Variants in RBM24 observed in about 807,000 individuals in gnomAD.
The protein encoded by RBM24 is RNA binding motif protein 24, also known as RNA-binding protein 24.
Under a neutral mutation model 23.6 loss-of-function variants are expected in RBM24, and 5 were observed. That is an observed-to-expected ratio of 0.21 (90% confidence interval 0.11 to 0.45). The LOEUF (loss-of-function observed/expected upper bound fraction) is 0.45, where lower values mean the gene tolerates loss of function less well. Ranked by LOEUF, RBM24 falls within the 20% of genes least tolerant of loss-of-function variation. The pLI, the probability that RBM24 is intolerant of heterozygous loss-of-function variation, is 0.99. For missense variants in RBM24, 252 were observed against 314.6 expected (o/e 0.80, Z 1.51); for synonymous variants, 151 against 129.5 (o/e 1.17, Z -1.13).
At chr6:17,282,082 T>C in intron 1 of RBM24, 3 of 1,238,944 alleles carry the variant, frequency 2.4e-6, no homozygotes, top group Non-Finnish European at 3.1e-6. Flanking sequence ...ATTCCCGGGC[T>C]GGATGCCGGT....
chr6:17,286,609 T>C (rs1760207013), intron 3 of RBM24, among the ~76,000 whole-genome samples: 1 of 152,308 alleles, frequency 6.6e-6, no homozygotes, highest in Middle Eastern at 3.4e-3. Context: ...TGGTATTGTT[T>C]CAAGTACAAA....
At position 17,292,442 on chromosome 6, in the gene RBM24, A is replaced by C; in HGVS notation, c.*323A>C. On this transcript the variant is annotated 3_prime_UTR_variant, in exon 4 of 4. Coordinates refer to ENST00000379052, the MANE Select transcript of RBM24 (RefSeq NM_001143942.2). Reference sequence around the variant, plus strand: ...TTTTTATTTTTGCTCTTTTTATAGTATCAGGGAAGCAAACTGCCTTTTACA... The same window carrying C: ...TTTTTATTTTTGCTCTTTTTATAGTCTCAGGGAAGCAAACTGCCTTTTACA... 1 of 178,422 alleles carries C rather than the reference A, an allele frequency of 5.6e-6. No homozygotes were observed. The highest frequency in any genetic ancestry group is 1.2e-5 in the Non-Finnish European group (1 of 85,536). The allele number at this position is 178,422 out of a possible 1,614,324, so 11.1% of individuals were successfully genotyped here.
At chr6:17,288,406 C>G (rs182197702) in intron 3 of RBM24, 4 of 985,142 alleles carry the variant, frequency 4.1e-6, no homozygotes, top group South Asian at 4.7e-5. Flanking sequence ...GGGTAGGGAA[C>G]TCTTTTATTG....
chr6:17,283,160 AAG>A, intron 2 of RBM24: 1 of 503,222 alleles, frequency 2.0e-6, no homozygotes, highest in South Asian at 2.7e-5. Flanking sequence ...GTGCAGGAAG[AAG>A]AGTTAGTCAT....
At chr6:17,282,110 C>G in intron 1 of RBM24, 1 of 1,219,744 alleles carries the variant, frequency 8.2e-7, no homozygotes, top group South Asian at 1.5e-5. Context: ...CGCGCTGTTG[C>G]TTTGTAAAAA....
At chr6:17,286,752 G>A (rs1311787406) in intron 3 of RBM24, among the ~76,000 whole-genome samples, 1 of 152,194 alleles carries the variant, frequency 6.6e-6, no homozygotes. Flanking sequence ...GACTGGATAT[G>A]TCTGGAGGGT....
intron 3 of RBM24, among the ~76,000 whole-genome samples, chr6:17,286,428 T>C (rs142896783): frequency 4.1e-4 from 62 of 152,284 alleles, no homozygotes; most frequent in Non-Finnish European, 7.3e-4. Flanking sequence ...AGTGGTGGGC[T>C]CACACTAATA....
Position 17,282,156 on chromosome 6 carries a change from G to T in RBM24, c.168+407G>T. On this transcript the variant is annotated intron_variant, in intron 1 of 3. Coordinates refer to ENST00000379052, the MANE Select transcript of RBM24 (RefSeq NM_001143942.2). ...CTGGTGTTTTGGCTGGGGCAGGGAG[G>T]GGACACCCCACGAGGTCTGGGGCTG... 8.0e-6 allele frequency: 10 copies of T among 1,245,566 alleles called. No homozygotes were observed. In the South Asian group the frequency reaches 1.3e-4, roughly 16 times the overall value. The allele number at this position is 1,245,566 out of a possible 1,614,324, so 77.2% of individuals were successfully genotyped here.
rs1760418580 is a variant in RBM24 at position 17,293,083 on chromosome 6, T to C, written c.*964T>C. ...TCCCTTTTTAAGTAATTTTACACTT[T>C]AGTATCTATTTCAGAGTCATATTTA... On this transcript the variant is annotated 3_prime_UTR_variant, in exon 4 of 4. Transcript: ENST00000379052. 3 of 152,432 alleles carry C rather than the reference T, an allele frequency of 2.0e-5. No individual in the cohort carries two copies. Among genetic ancestry groups the C allele is most frequent in the South Asian group, 4.1e-4 (2 of 4,832 alleles). 9.4% of individuals were successfully genotyped at this position (152,432 alleles called of 1,614,324 possible). A position where few individuals can be genotyped will look rare whatever the true frequency, so the allele number is the denominator to read the frequency against.
chr6:17,284,136 C>T (rs1445934695), intron 2 of RBM24, among the ~76,000 whole-genome samples: 1 of 151,898 alleles, frequency 6.6e-6, no homozygotes, highest in East Asian at 1.9e-4. Context: ...AGTGTTTGTG[C>T]AAATATTCAT....
chr6:17,291,817 G>A lies in RBM24; in HGVS notation c.409G>A (p.Val137Ile), dbSNP rs80303690. ...FVQPGVVIPH[V>I]QPTAAAASTT... The stretch of plus-strand genomic sequence containing the variant: ...GCAGCCGGGAGTGGTCATTCCACAC[G>A]TCCAGCCGACAGCAGCTGCCGCCTC... Residue 137 changes from valine (V) to isoleucine (I), a missense_variant, in exon 4 of 4, where the codon GTC (valine) becomes ATC (isoleucine). Val to Ile is a conservative substitution (Grantham distance 29, BLOSUM62 3). Coordinates refer to ENST00000379052, the MANE Select transcript of RBM24 (RefSeq NM_001143942.2). 5.2e-3 allele frequency: 8,439 copies of A among 1,614,016 alleles called. 322 individuals are homozygous for A. The Admixed American group carries it at 0.085, about 16-fold the overall frequency.
chr6:17,282,681 A>G lies in RBM24; in HGVS notation c.169-124A>G, dbSNP rs534061725. 6.5e-4 allele frequency: 864 copies of G among 1,338,832 alleles called. 5 individuals are homozygous for G. The African/African-American group carries it at 0.012, about 18-fold the overall frequency. 82.9% of individuals were successfully genotyped at this position (1,338,832 alleles called of 1,614,324 possible). ...GGAGGAGGGTCCAGCCAAAAGAAGC[A>G]AAGAATAGAAAAAAAGTTTGATCTC... On this transcript the variant is annotated intron_variant, in intron 1 of 3. Transcript: ENST00000379052.
intron 3 of RBM24, among the ~76,000 whole-genome samples, chr6:17,286,015 G>A (rs1362015887): frequency 6.6e-6 from 1 of 152,116 alleles, no homozygotes; most frequent in East Asian, 1.9e-4. Context: ...GTGTAACCTG[G>A]AAGGCTGGAA....
intron 3 of RBM24, chr6:17,288,584 C>A (rs187512568): frequency 2.3e-4 from 228 of 985,370 alleles, no homozygotes; most frequent in Admixed American, 5.5e-4. Flanking sequence ...AACGATAAAG[C>A]AAATTTCTGA....
chr6:17,282,007 G>A (rs763386445), intron 1 of RBM24: 41 of 1,343,182 alleles, frequency 3.1e-5, no homozygotes, highest in Admixed American at 6.3e-5. Flanking sequence ...GGAGAGACCT[G>A]TAATGACGGC....
At chr6:17,291,715 G>A (rs750929792) in intron 3 of RBM24, 41 bp from the exon 4 acceptor site, 1 of 1,569,190 alleles carries the variant, frequency 6.4e-7, no homozygotes, top group Non-Finnish European at 8.7e-7. Flanking sequence ...CTACAGTTAG[G>A]AGGTGACTAC....
rs1445731892 is a variant in RBM24 at position 17,283,190 on chromosome 6, T to C, written c.292+262T>C. On this transcript the variant is annotated intron_variant, in intron 2 of 3. Transcript: ENST00000379052. The stretch of plus-strand genomic sequence containing the variant: ...TTAGTCATGTCTCACCTGTTTCCTA[T>C]ATGGCATACATTTGTAGTCTGCTCT... 7.0e-6 allele frequency: 3 copies of C among 431,226 alleles called. No homozygotes were observed. In the East Asian group the frequency reaches 1.2e-4, roughly 17 times the overall value. The allele number at this position is 431,226 out of a possible 1,614,324, so 26.7% of individuals were successfully genotyped here.
At position 17,290,775 on chromosome 6, in the gene RBM24, G is replaced by C. The variant is rs554802887; in HGVS notation, c.348-981G>C. The C allele has an allele frequency of 1.4e-5, 14 of 967,134 alleles. No individual in the cohort carries two copies. The South Asian group carries it at 2.0e-4, about 14-fold the overall frequency. 59.9% of individuals were successfully genotyped at this position (967,134 alleles called of 1,614,324 possible). The stretch of plus-strand genomic sequence containing the variant: ...TTTCTATTAATTTTAGAAATATTTA[G>C]TTGTACTTCCCTGTCCTGCCTTTTC... On this transcript the variant is annotated intron_variant, in intron 3 of 3. Coordinates refer to ENST00000379052, the MANE Select transcript of RBM24 (RefSeq NM_001143942.2).
chr6:17,291,640 A>G (rs559732647), intron 3 of RBM24, 116 bp from the exon 4 acceptor site: 1 of 1,143,890 alleles, frequency 8.7e-7, no homozygotes, highest in East Asian at 2.4e-5. Context: ...GAAAGTAGAT[A>G]TTGTGGCAAC....
Sources: allele counts gnomAD v4.1 joint callset (sites outside exome capture counted in the v4.1 genomes callset), GRCh38; gene constraint gnomAD v4.1.1; transcripts MANE v1.5; gene names NCBI Gene and HGNC (gene_info 2026-07-23, HGNC 2026-07-21).